The following LAMA4 variants were observed in gnomAD, a reference collection of about 807,000 sequenced individuals.
The protein encoded by LAMA4 is laminin subunit alpha 4.
LAMA4 carries 127 observed loss-of-function variants against 207.1 expected under a neutral mutation model. The observed-to-expected ratio is 0.61, with a 90% CI of 0.53 to 0.71. LAMA4 has a LOEUF of 0.71. LAMA4 is among the 30% of genes least tolerant of loss of function. LAMA4 has a pLI of 0.00. For missense variants in LAMA4, 2,093 were observed against 2,246.5 expected, an observed-to-expected ratio of 0.93 and a Z score of 1.38; for synonymous variants, 761 against 816.0, an observed-to-expected ratio of 0.93 and a Z score of 1.15.
At chr6:112,114,927 G>T (rs1216938894) in intron 36 of LAMA4, among the ~76,000 whole-genome samples, 171 bp from the exon 37 acceptor site, 3 of 152,140 alleles carry the variant, frequency 2.0e-5, no homozygotes. Flanking sequence ...AGGTTCAACT[G>T]GGGGTGCTCT....
intron 11 of LAMA4, 106 bp from the exon 12 acceptor site, chr6:112,172,910 G>T: frequency 1.2e-6 from 1 of 815,964 alleles, no homozygotes. Context: ...GCCTTCTTTA[G>T]CAATGGAGAT....
chr6:112,122,644 A>G (rs1481649431), intron 31 of LAMA4, among the ~76,000 whole-genome samples: 2 of 152,248 alleles, frequency 1.3e-5, no homozygotes, highest in African/African-American at 4.8e-5. Flanking sequence ...AAAAGTTAAC[A>G]TAGCAACATC....
chr6:112,141,678 G>A (rs1176899880), intron 20 of LAMA4, among the ~76,000 whole-genome samples, 175 bp from the exon 21 acceptor site: 2 of 152,118 alleles, frequency 1.3e-5, no homozygotes, highest in Non-Finnish European at 2.9e-5. Context: ...CAGCCTCCCT[G>A]TGGCCACATC....
chr6:112,128,776 C>G, intron 31 of LAMA4, 146 bp downstream of exon 31: 2 of 677,918 alleles, frequency 3.0e-6, no homozygotes, highest in Non-Finnish European at 5.0e-6. Flanking sequence ...ATCTGGTAAA[C>G]TAGAATATGT....
At chr6:112,163,198 T>C (rs913672973) in intron 13 of LAMA4, among the ~76,000 whole-genome samples, 13 of 152,152 alleles carry the variant, frequency 8.5e-5, no homozygotes, top group African/African-American at 2.9e-4. Flanking sequence ...CAGGCTGGTC[T>C]TGAACTCCTG....
At chr6:112,136,820 A>T (rs1554331771) in intron 24 of LAMA4, among the ~76,000 whole-genome samples, 2 of 152,128 alleles carry the variant, frequency 1.3e-5, no homozygotes, top group African/African-American at 2.4e-5. Context: ...GAACTAATGG[A>T]TGAAGTTTTA....
rs782000587 is a variant in LAMA4 at position 112,148,377 on chromosome 6, C to G, written c.2174-41G>C. ...AGGGTCATTCACTTTGCAGAGAAGC[C>G]GGATATTTGTTGGGGAACATTAACA... On this transcript the variant is annotated intron_variant, in intron 17 of 38. Transcript: ENST00000230538. The G allele has an allele frequency of 2.5e-6, 4 of 1,607,294 alleles. No individual in the cohort carries two copies. The South Asian group carries it at 4.4e-5, about 18-fold the overall frequency.
intron 13 of LAMA4, among the ~76,000 whole-genome samples, chr6:112,162,751 C>T (rs1781131072): frequency 6.6e-6 from 1 of 152,042 alleles, no homozygotes; most frequent in Non-Finnish European, 1.5e-5. Context: ...CAAGTTAGCA[C>T]TCGGATATAG....
chr6:112,209,787 C>A (rs928109454), intron 3 of LAMA4, among the ~76,000 whole-genome samples: 6 of 152,136 alleles, frequency 3.9e-5, no homozygotes, highest in East Asian at 3.8e-4. Context: ...ACAAATATGA[C>A]AACAATAAAA....
chr6:112,157,897 T>C (rs980206778), intron 14 of LAMA4: 3 of 152,246 alleles, frequency 2.0e-5, no homozygotes, highest in Non-Finnish European at 4.4e-5. Context: ...CCTCTCTCTT[T>C]CTTTTCTTCT....
At chr6:112,217,798 G>A (rs190580376) in intron 2 of LAMA4, 1 of 152,320 alleles carries the variant, frequency 6.6e-6, no homozygotes, top group Admixed American at 6.5e-5. Flanking sequence ...ATGGAGAGTT[G>A]TGGTTGATGG....
intron 18 of LAMA4, among the ~76,000 whole-genome samples, chr6:112,146,578 G>C (rs989643889): frequency 2.6e-5 from 4 of 151,576 alleles, no homozygotes; most frequent in African/African-American, 9.7e-5. Flanking sequence ...TTGGCTCAGA[G>C]ACGAAATACT....
At chr6:112,233,698 T>C (rs144696896) in intron 2 of LAMA4, among the ~76,000 whole-genome samples, 7 of 152,288 alleles carry the variant, frequency 4.6e-5, no homozygotes, top group Non-Finnish European at 7.4e-5. Context: ...AAAGAAAGCA[T>C]AGGGCAATTT....
Position 112,187,827 on chromosome 6 carries a change from T to C in LAMA4, c.815-226A>G, listed in dbSNP as rs1554347249. On this transcript the variant is annotated intron_variant, in intron 7 of 38. Coordinates refer to ENST00000230538, the MANE Select transcript of LAMA4 (RefSeq NM_001105206.3). ...CCTCTCCTATTAGCTTTTCTCAGTA[T>C]TCAGGGGCTAGCACCAGCCTTCTCC... is the stretch of plus-strand genomic sequence containing the variant. 5.9e-5 allele frequency among the ~76,000 whole-genome samples: 9 copies of C among 152,302 alleles called. No homozygotes were observed. In the South Asian group the frequency reaches 1.9e-3, roughly 32 times the overall value.
At chr6:112,121,776 A>G in intron 32 of LAMA4, 1 of 446,168 alleles carries the variant, frequency 2.2e-6, no homozygotes, top group Non-Finnish European at 4.1e-6. Flanking sequence ...TTTCTTTTTG[A>G]TCAAATACAG....
chr6:112,160,493 C>T (rs560044456), intron 13 of LAMA4, among the ~76,000 whole-genome samples: 1 of 152,218 alleles, frequency 6.6e-6, no homozygotes, highest in East Asian at 1.9e-4. Flanking sequence ...CTTTAGGCTC[C>T]CTTCTAGCTT....
In LAMA4 at chr6:112,122,563, C is replaced by A. The variant is rs1778424780; in HGVS notation, c.4288-362G>T. 6.6e-5 allele frequency among the ~76,000 whole-genome samples: 10 copies of A among 152,148 alleles called. No homozygotes were observed. In the South Asian group the frequency reaches 2.1e-3, roughly 31 times the overall value. On this transcript the variant is annotated intron_variant, in intron 31 of 38. Transcript: ENST00000230538. ...ATTAAAATGACCCTGAATCAATCAACAAAATCCTCATATAAGAAACAATAT... is the reference window on the plus strand; with the variant it reads ...ATTAAAATGACCCTGAATCAATCAAAAAAATCCTCATATAAGAAACAATAT...
intron 5 of LAMA4, among the ~76,000 whole-genome samples, chr6:112,197,857 T>A (rs1270043045): frequency 6.6e-6 from 1 of 152,210 alleles, no homozygotes; most frequent in Non-Finnish European, 1.5e-5. Flanking sequence ...GACTGTCACC[T>A]CTGTTATTTT....
At position 112,211,456 on chromosome 6, in the gene LAMA4, C is replaced by T. The variant is rs533492594; in HGVS notation, c.298-4311G>A. 2.0e-5 allele frequency among the ~76,000 whole-genome samples: 3 copies of T among 152,218 alleles called. No homozygotes were observed. The South Asian group carries it at 6.2e-4, about 32-fold the overall frequency. ...ATTCACTTAACAAACCTGAATTAAG[C>T]AGATATAATAGACAATGAGCCATAT... On this transcript the variant is annotated intron_variant, in intron 3 of 38. Coordinates refer to ENST00000230538, the MANE Select transcript of LAMA4 (RefSeq NM_001105206.3).
Sources: gnomAD v4.1 joint callset for allele counts (sites outside exome capture counted in the v4.1 genomes callset) on GRCh38, gnomAD v4.1.1 for gene constraint, MANE v1.5 for transcripts, NCBI Gene and HGNC (gene_info 2026-07-23, HGNC 2026-07-21) for gene names.